Variants in KCNH1 observed in about 807,000 individuals in gnomAD.
The protein encoded by KCNH1 is potassium voltage-gated channel subfamily H member 1, also known as voltage-gated delayed rectifier potassium channel KCNH1.
In KCNH1, 27 loss-of-function variants were observed where a neutral mutation model predicts 69.2. The ratio of observed to expected loss-of-function variants is 0.39; its 90% confidence interval spans 0.29 to 0.54. The LOEUF is 0.54. Ranked by LOEUF, KCNH1 falls within the 20% of genes least tolerant of loss-of-function variation. KCNH1 has a pLI of 0.68. For synonymous variants in KCNH1, 456 were observed against 487.7 expected, an observed-to-expected ratio of 0.93 and a Z score of 0.86; for missense variants, 798 against 1,261.6, an observed-to-expected ratio of 0.63 and a Z score of 5.57.
chr1:210,810,075 CT>C (rs1684670630), intron 7 of KCNH1, among the ~76,000 whole-genome samples: 1 of 152,132 alleles, frequency 6.6e-6, no homozygotes, highest in Non-Finnish European at 1.5e-5. Flanking sequence ...ACCCCTTTCT[CT>C]CTTTTTTATG....
chr1:210,696,703 T>C (rs1176817912), intron 10 of KCNH1, among the ~76,000 whole-genome samples: 2 of 152,224 alleles, frequency 1.3e-5, no homozygotes, highest in African/African-American at 4.8e-5. Context: ...TGAATTTCTC[T>C]CGGTTTCCTT....
At chr1:210,704,685 C>G (rs1681864831) in intron 10 of KCNH1, among the ~76,000 whole-genome samples, 1 of 152,202 alleles carries the variant, frequency 6.6e-6, no homozygotes, top group Non-Finnish European at 1.5e-5. Context: ...AACCCAAATG[C>G]TATTCTCCTT....
chr1:210,796,725 G>T (rs528784554), intron 9 of KCNH1, among the ~76,000 whole-genome samples: 38 of 152,064 alleles, frequency 2.5e-4, no homozygotes, highest in African/African-American at 9.2e-4. Flanking sequence ...AACTCCATCT[G>T]CTTCTCTCCA....
At chr1:210,945,011 T>C (rs1397664069) in intron 6 of KCNH1, among the ~76,000 whole-genome samples, 5 of 152,228 alleles carry the variant, frequency 3.3e-5, no homozygotes, top group African/African-American at 9.6e-5. Flanking sequence ...AATCATGCAA[T>C]GTTTGTCCTT....
chr1:211,101,488 T>C (rs745385755), intron 3 of KCNH1, among the ~76,000 whole-genome samples: 9 of 152,234 alleles, frequency 5.9e-5, no homozygotes, highest in Non-Finnish European at 1.2e-4. Flanking sequence ...ATGTTGTATG[T>C]ACAAATTTAG....
intron 6 of KCNH1, among the ~76,000 whole-genome samples, chr1:210,977,780 T>A (rs1688641568): frequency 6.6e-6 from 1 of 152,134 alleles, no homozygotes. Flanking sequence ...TTAATATTTT[T>A]AATGGAAACA....
chr1:211,000,289 T>C (rs1210434137), intron 6 of KCNH1, among the ~76,000 whole-genome samples: 4 of 152,194 alleles, frequency 2.6e-5, no homozygotes, highest in Admixed American at 1.3e-4. Context: ...AAAATCTCCT[T>C]AAGCTGATAA....
chr1:211,050,550 C>T (rs1018700190), intron 5 of KCNH1, among the ~76,000 whole-genome samples: 5 of 152,176 alleles, frequency 3.3e-5, no homozygotes, highest in Non-Finnish European at 7.4e-5. Context: ...CCACATGACA[C>T]CGTCACAAAT....
intron 6 of KCNH1, among the ~76,000 whole-genome samples, chr1:210,956,601 C>G (rs112599794): frequency 1.4e-5 from 2 of 138,540 alleles, no homozygotes; most frequent in Non-Finnish European, 3.0e-5. Context: ...ACCTGTTATT[C>G]GTCTATTCAG....
intron 7 of KCNH1, among the ~76,000 whole-genome samples, chr1:210,892,538 T>A (rs553443516): frequency 2.0e-5 from 3 of 152,134 alleles, no homozygotes; most frequent in Non-Finnish European, 2.9e-5. Flanking sequence ...CCATATTTTT[T>A]AAAAAAACAC....
At chr1:210,749,868 G>A (rs1683244013) in intron 10 of KCNH1, among the ~76,000 whole-genome samples, 2 of 150,102 alleles carry the variant, frequency 1.3e-5, no homozygotes, top group South Asian at 2.1e-4. Context: ...TCAGCCTCCC[G>A]AGTAGCTGGG....
intron 10 of KCNH1, among the ~76,000 whole-genome samples, chr1:210,689,409 C>A (rs1681481233): frequency 6.6e-6 from 1 of 152,146 alleles, no homozygotes; most frequent in African/African-American, 2.4e-5. Flanking sequence ...GGGGGAAAGG[C>A]AGGCCTAGGA....
intron 9 of KCNH1, among the ~76,000 whole-genome samples, chr1:210,795,883 G>C (rs1684300775): frequency 6.6e-6 from 1 of 151,942 alleles, no homozygotes; most frequent in South Asian, 2.1e-4. Context: ...AGCACTTTGA[G>C]AGGCCAAGGC....
At chr1:211,118,110 T>G (rs1330118210) in intron 1 of KCNH1, among the ~76,000 whole-genome samples, 2 of 152,230 alleles carry the variant, frequency 1.3e-5, no homozygotes, top group African/African-American at 4.8e-5. Flanking sequence ...AAATGTGCCA[T>G]GTTGTCAAAT....
intron 5 of KCNH1, among the ~76,000 whole-genome samples, chr1:211,058,866 A>G (rs1282657859): frequency 1.3e-5 from 2 of 152,264 alleles, no homozygotes; most frequent in Non-Finnish European, 2.9e-5. Flanking sequence ...AGAAGGACAC[A>G]CACAGACTGA....
chr1:210,878,765 A>C (rs1686433726), intron 7 of KCNH1, among the ~76,000 whole-genome samples: 1 of 152,052 alleles, frequency 6.6e-6, no homozygotes, highest in South Asian at 2.1e-4. Context: ...GTAAGCAGAA[A>C]AGAAAAGAAA....
chr1:210,729,727 GA>G (rs1280482022), intron 10 of KCNH1, among the ~76,000 whole-genome samples: 8 of 152,058 alleles, frequency 5.3e-5, no homozygotes, highest in Admixed American at 5.2e-4. Flanking sequence ...GGCTGTCAGA[GA>G]AAAATCCTAG....
At chr1:210,968,826 C>G in intron 6 of KCNH1, among the ~76,000 whole-genome samples, 1 of 152,026 alleles carries the variant, frequency 6.6e-6, no homozygotes, top group East Asian at 1.9e-4. Context: ...GTTGCCTGTT[C>G]ACTCTGATGG....
At chr1:211,129,069 T>C (rs1209157563) in intron 1 of KCNH1, among the ~76,000 whole-genome samples, 1 of 152,042 alleles carries the variant, frequency 6.6e-6, no homozygotes, top group Non-Finnish European at 1.5e-5. Context: ...CAGTGGAAAA[T>C]GAATTGTATA....
Sources: allele counts gnomAD v4.1 joint callset (sites outside exome capture counted in the v4.1 genomes callset), GRCh38; gene constraint gnomAD v4.1.1; transcripts MANE v1.5; gene names NCBI Gene and HGNC (gene_info 2026-07-23, HGNC 2026-07-21).